MT1A: variants seen among roughly 807,000 people sequenced by gnomAD.
MT1A encodes the protein metallothionein 1A, also known as metallothionein-1A.
A neutral mutation model predicts 5.5 loss-of-function variants in MT1A; 6 were observed. The ratio of observed to expected loss-of-function variants is 1.09; its 90% confidence interval spans 0.60 to 2.16. MT1A has a LOEUF of 2.16. Among genes scored for constraint, MT1A ranks in the 30% most tolerant of loss-of-function variants. The probability of loss-of-function intolerance (pLI) is 0.00; values close to 1 mark genes in which losing one functional copy is unlikely to be tolerated. For synonymous variants in MT1A, 23 were observed against 24.8 expected (o/e 0.93, Z 0.21); for missense variants, 69 against 73.4 (o/e 0.94, Z 0.22).
At chr16:56,638,935 CT>C (rs1960410692) in intron 1 of MT1A, among the ~76,000 whole-genome samples, 169 bp downstream of exon 1, 1 of 152,160 alleles carries the variant, frequency 6.6e-6, no homozygotes, top group African/African-American at 2.4e-5. Context: ...CATTCCTATT[CT>C]AATGCCTCCC....
Position 56,638,701 on chromosome 16 carries a change from C to G in MT1A, c.-38C>G. 6.2e-7 allele frequency: 1 copy of G among 1,613,914 alleles called. No homozygotes were observed. The highest frequency in any genetic ancestry group is 2.2e-5 in the East Asian group (1 of 44,882). ...CCACGTGCGCCTTATAGCCTCTCAACTTCTTGCTTGGGATCTCCAACCTCA... is the reference window on the plus strand; with the variant it reads ...CCACGTGCGCCTTATAGCCTCTCAAGTTCTTGCTTGGGATCTCCAACCTCA... On this transcript the variant is annotated 5_prime_UTR_variant, in exon 1 of 3. Coordinates refer to ENST00000290705, the MANE Select transcript of MT1A (RefSeq NM_005946.3).
rs1312040198 is a variant in MT1A at position 56,640,005 on chromosome 16, AT to A, written c.*63del. 1.7e-5 allele frequency: 27 copies of A among 1,603,316 alleles called. No homozygotes were observed. The highest frequency in any genetic ancestry group is 1.4e-4 in the South Asian group (13 of 90,196). On this transcript the variant is annotated 3_prime_UTR_variant, in exon 3 of 3. Coordinates refer to ENST00000290705, the MANE Select transcript of MT1A (RefSeq NM_005946.3). The stretch of plus-strand genomic sequence containing the variant: ...AAAGAGTGACCTGCACAAACTTGGA[AT>A]TTTTTTTCCATACAACCCTGACCCA...
At chr16:56,639,756 G>A (rs1960420075) in intron 2 of MT1A, 103 bp from the exon 3 acceptor site, 3 of 1,462,484 alleles carry the variant, frequency 2.1e-6, no homozygotes, top group South Asian at 2.4e-5. Flanking sequence ...CCTGAACTAA[G>A]TGTCCTCTGG....
chr16:56,639,568 T>G (rs544661510), intron 2 of MT1A, among the ~76,000 whole-genome samples: 14 of 152,302 alleles, frequency 9.2e-5, no homozygotes, highest in Admixed American at 3.3e-4. Context: ...ACCTAAGGAC[T>G]TTCCTCCCCT....
intron 1 of MT1A, 123 bp from the exon 2 acceptor site, chr16:56,639,141 T>C: frequency 1.7e-6 from 2 of 1,158,938 alleles, no homozygotes; most frequent in Admixed American, 2.0e-5. Flanking sequence ...TTAGGCTTCA[T>C]GGTGCCCTGA....
chr16:56,639,409 G>C, intron 2 of MT1A, 80 bp downstream of exon 2: 1 of 1,466,846 alleles, frequency 6.8e-7, no homozygotes, highest in Non-Finnish European at 9.5e-7. Flanking sequence ...TGGAGGAGTA[G>C]GCCAATGATC....
At chr16:56,639,749 G>C in intron 2 of MT1A, 110 bp from the exon 3 acceptor site, 1 of 1,427,260 alleles carries the variant, frequency 7.0e-7, no homozygotes, top group Non-Finnish European at 9.8e-7. Context: ...ATGCCATCCT[G>C]AACTAAGTGT....
intron 2 of MT1A, 104 bp downstream of exon 2, chr16:56,639,433 C>G: frequency 7.6e-7 from 1 of 1,316,658 alleles, no homozygotes; most frequent in South Asian, 1.2e-5. Context: ...TTCCCACATC[C>G]CCTTCCCCAG....
In MT1A at chr16:56,639,920, G is replaced by A; in HGVS notation, c.156G>A (p.Gly52=). The change falls in exon 3 of 3, where the codon GGG becomes GGA. Residue 52 remains glycine, a synonymous_variant. Coordinates refer to ENST00000290705, the MANE Select transcript of MT1A (RefSeq NM_005946.3). ...GTGCCCAGGGCTGCATCTGCAAAGG[G>A]GCATCAGAGAAGTGCAGCTGCTGTG... ...AKCAQGCICK[G]ASEKCSCCA is the part of the protein sequence containing the mutation. 1 of 1,614,176 alleles carries A rather than the reference G, an allele frequency of 6.2e-7. No individual in the cohort carries two copies. Among genetic ancestry groups the A allele is most frequent in the Non-Finnish European group, 8.5e-7 (1 of 1,180,020 alleles).
At position 56,639,336 on chromosome 16, in the gene MT1A, G is replaced by GC; in HGVS notation, c.94+7_94+8insC. On this transcript the variant is annotated splice_region_variant and intron_variant, in intron 2 of 2. Transcript: ENST00000290705. ...TGCACCTCCTGCAAGAAGAGTGAGTGTGGGGCCATCTCCAGGAATCTGGGG... is the reference window on the plus strand; with the variant it reads ...TGCACCTCCTGCAAGAAGAGTGAGTGCTGGGGCCATCTCCAGGAATCTGGGG... 1 of 1,611,752 alleles carries GC rather than the reference G, an allele frequency of 6.2e-7. No homozygotes were observed. The highest frequency in any genetic ancestry group is 8.5e-7 in the Non-Finnish European group (1 of 1,178,322).
At chr16:56,638,801 C>G in intron 1 of MT1A, 35 bp downstream of exon 1, 1 of 1,612,560 alleles carries the variant, frequency 6.2e-7, no homozygotes, top group South Asian at 1.1e-5. Flanking sequence ...CTTAGGATAC[C>G]TATTTCCCCG....
At chr16:56,638,791 C>A in intron 1 of MT1A, 25 bp downstream of exon 1, 1 of 1,613,762 alleles carries the variant, frequency 6.2e-7, no homozygotes, top group Middle Eastern at 1.6e-4. Context: ...GTTTCTGGTC[C>A]TTAGGATACC....
intron 2 of MT1A, 93 bp downstream of exon 2, chr16:56,639,422 T>C: frequency 7.2e-7 from 1 of 1,380,176 alleles, no homozygotes; most frequent in Non-Finnish European, 1.0e-6. Context: ...CAATGATCCA[T>C]TTCCCACATC....
At position 56,639,208 on chromosome 16, in the gene MT1A, G is replaced by T; in HGVS notation, c.29-56G>T. 3 of 1,589,500 alleles carry T rather than the reference G, an allele frequency of 1.9e-6. No homozygotes were observed. In the South Asian group the frequency reaches 3.3e-5, roughly 18 times the overall value. ...ATGCACTCAGCTGGCAGCATTTGTT[G>T]ACCAACTGCTGTTATCTTCTGTATA... is the stretch of plus-strand genomic sequence containing the variant. On this transcript the variant is annotated intron_variant, in intron 1 of 2. Coordinates refer to ENST00000290705, the MANE Select transcript of MT1A (RefSeq NM_005946.3).
rs559670596 is a variant in MT1A at position 56,639,202 on chromosome 16, T to G, written c.29-62T>G. Reference sequence around the variant, plus strand: ...CTGGCAATGCACTCAGCTGGCAGCATTTGTTGACCAACTGCTGTTATCTTC... The same window carrying G: ...CTGGCAATGCACTCAGCTGGCAGCAGTTGTTGACCAACTGCTGTTATCTTC... On this transcript the variant is annotated intron_variant, in intron 1 of 2. Transcript: ENST00000290705. 211 of 1,574,772 alleles carry G rather than the reference T, an allele frequency of 1.3e-4. 1 individual carries two copies. In the African/African-American group the frequency reaches 2.5e-3, roughly 19 times the overall value.
rs375653983 is a variant in MT1A, at chr16:56,639,994, A to G, written c.*44A>G. 3 of 1,607,702 alleles carry G rather than the reference A, an allele frequency of 1.9e-6. No homozygotes were observed. Among genetic ancestry groups the G allele is most frequent in the Non-Finnish European group, 1.7e-6 (2 of 1,176,480 alleles). On this transcript the variant is annotated 3_prime_UTR_variant, in exon 3 of 3. Coordinates refer to ENST00000290705, the MANE Select transcript of MT1A (RefSeq NM_005946.3). ...CGAAGATATAGAAAGAGTGACCTGC[A>G]CAAACTTGGAATTTTTTTTCCATAC...
At chr16:56,638,870 C>A (rs1250954938) in intron 1 of MT1A, 104 bp downstream of exon 1, 2 of 1,335,716 alleles carry the variant, frequency 1.5e-6, no homozygotes, top group Non-Finnish European at 2.1e-6. Context: ...TAAGTGGAGT[C>A]ATTTATTTCA....
At chr16:56,639,701 C>T (rs1361214267) in intron 2 of MT1A, among the ~76,000 whole-genome samples, 158 bp from the exon 3 acceptor site, 3 of 152,190 alleles carry the variant, frequency 2.0e-5, no homozygotes, top group African/African-American at 7.2e-5. Flanking sequence ...GACCCTCACT[C>T]GAAAGATCCA....
At chr16:56,639,382 G>A in intron 2 of MT1A, 53 bp downstream of exon 2, 1 of 1,576,914 alleles carries the variant, frequency 6.3e-7, no homozygotes, top group Non-Finnish European at 8.7e-7. Flanking sequence ...TCAGAGGCAG[G>A]AAACCAGAGC....
Sources: gnomAD v4.1 joint callset for allele counts (sites outside exome capture counted in the v4.1 genomes callset) on GRCh38, gnomAD v4.1.1 for gene constraint, MANE v1.5 for transcripts, NCBI Gene and HGNC (gene_info 2026-07-23, HGNC 2026-07-21) for gene names.